SPOCK3: variants seen among roughly 807,000 people sequenced by gnomAD.
SPOCK3 encodes testican-3.
Under a neutral mutation model 56.6 loss-of-function variants are expected in SPOCK3, and 30 were observed. The ratio of observed to expected loss-of-function variants is 0.53; its 90% confidence interval spans 0.40 to 0.72. The LOEUF is 0.72. Among genes scored for constraint, SPOCK3 ranks in the 30% least tolerant of loss-of-function variants. The pLI, the probability that SPOCK3 is intolerant of heterozygous loss-of-function variation, is 0.00. For synonymous variants in SPOCK3, 196 were observed against 183.3 expected, an observed-to-expected ratio of 1.07 and a Z score of -0.56; for missense variants, 527 against 530.0, an observed-to-expected ratio of 0.99 and a Z score of 0.06.
intron 2 of SPOCK3, among the ~76,000 whole-genome samples, chr4:167,103,771 A>C (rs949344685): frequency 1.3e-5 from 2 of 152,118 alleles, no homozygotes; most frequent in African/African-American, 4.8e-5. Flanking sequence ...AGCGGTTACC[A>C]TGGGCCTTTG....
Position 167,136,047 on chromosome 4 carries a change from C to T in SPOCK3, c.190-73510G>A, listed in dbSNP as rs531702545. On this transcript the variant is annotated intron_variant, in intron 2 of 10. Transcript: ENST00000357545. ...AATATGCTTATTTTCATTTTTTTTT[C>T]CCTCTAAGGCAGTGGTTCTCAAAGT... Among the ~76,000 whole-genome samples, 23 of 151,186 alleles carry T rather than the reference C, an allele frequency of 1.5e-4. No homozygotes were observed. In the South Asian group the frequency reaches 4.2e-3, roughly 27 times the overall value.
chr4:167,009,552 C>T (rs532116291), intron 3 of SPOCK3, among the ~76,000 whole-genome samples: 75 of 152,172 alleles, frequency 4.9e-4, no homozygotes, highest in African/African-American at 1.7e-3. Flanking sequence ...AATTCTAAGG[C>T]TGTGAGAGAA....
intron 2 of SPOCK3, among the ~76,000 whole-genome samples, chr4:167,093,325 G>T (rs1758868055): frequency 6.6e-6 from 1 of 151,924 alleles, no homozygotes; most frequent in African/African-American, 2.4e-5. Flanking sequence ...TTAAGTTCAG[G>T]ATACATGTGC....
intron 2 of SPOCK3, among the ~76,000 whole-genome samples, chr4:167,172,505 T>A (rs1337193207): frequency 6.6e-6 from 1 of 152,170 alleles, no homozygotes; most frequent in African/African-American, 2.4e-5. Flanking sequence ...CTAATAATTA[T>A]TTCTTCCTTT....
intron 2 of SPOCK3, among the ~76,000 whole-genome samples, chr4:167,163,604 G>C (rs1765509786): frequency 6.6e-6 from 1 of 151,658 alleles, no homozygotes; most frequent in African/African-American, 2.4e-5. Flanking sequence ...CCAACCTCTG[G>C]TAACCATCAT....
chr4:166,916,533 T>C (rs1446538590), intron 4 of SPOCK3, among the ~76,000 whole-genome samples: 2 of 152,204 alleles, frequency 1.3e-5, no homozygotes. Flanking sequence ...TACTTAGTTT[T>C]CTGTTTAAGT....
At chr4:167,079,211 A>T (rs1165295777) in intron 2 of SPOCK3, among the ~76,000 whole-genome samples, 2 of 152,044 alleles carry the variant, frequency 1.3e-5, no homozygotes, top group Non-Finnish European at 2.9e-5. Context: ...TAAAACACAG[A>T]ACTAAACCTT....
chr4:167,107,318 T>C (rs772661173), intron 2 of SPOCK3, among the ~76,000 whole-genome samples: 17 of 151,842 alleles, frequency 1.1e-4, no homozygotes, highest in Non-Finnish European at 1.5e-4. Flanking sequence ...CCAAGTGGGA[T>C]TTACCCCAGT....
chr4:167,130,367 G>GA (rs1762607715), intron 2 of SPOCK3, among the ~76,000 whole-genome samples: 2 of 151,396 alleles, frequency 1.3e-5, no homozygotes, highest in Admixed American at 6.6e-5. Flanking sequence ...TTATTTACTG[G>GA]AAAAAAGCAT....
chr4:167,209,205 A>G (rs920315809), intron 2 of SPOCK3, among the ~76,000 whole-genome samples: 2 of 152,106 alleles, frequency 1.3e-5, no homozygotes, highest in Non-Finnish European at 2.9e-5. Flanking sequence ...GTGCCATGAT[A>G]TGGAATGTTC....
intron 4 of SPOCK3, among the ~76,000 whole-genome samples, chr4:166,982,380 A>G (rs745545390): frequency 5.9e-5 from 9 of 152,160 alleles, no homozygotes; most frequent in Non-Finnish European, 1.2e-4. Flanking sequence ...AATCTCACAT[A>G]ATAATAAACA....
chr4:166,878,151 T>G (rs553085266), intron 6 of SPOCK3, among the ~76,000 whole-genome samples: 4 of 152,206 alleles, frequency 2.6e-5, no homozygotes, highest in Non-Finnish European at 5.9e-5. Flanking sequence ...AATTGGCACA[T>G]GCCTGTAATC....
chr4:166,899,242 ATATC>A (rs75617799), intron 5 of SPOCK3, among the ~76,000 whole-genome samples: 13,422 of 117,196 alleles, frequency 0.11, 722 homozygotes, highest in Middle Eastern at 0.14. Context: ...AAATCTCCTC[ATATC>A]TATCTATCTA....
chr4:166,830,595 T>G (rs1180341863), intron 6 of SPOCK3, among the ~76,000 whole-genome samples: 2 of 151,940 alleles, frequency 1.3e-5, no homozygotes, highest in African/African-American at 2.4e-5. Context: ...AATACAAAAA[T>G]TAGTGGCATA....
chr4:166,875,304 G>T (rs1732959925), intron 6 of SPOCK3, among the ~76,000 whole-genome samples: 1 of 151,992 alleles, frequency 6.6e-6, no homozygotes, highest in South Asian at 2.1e-4. Context: ...TTTCTAGTAG[G>T]TGTGATATTT....
intron 2 of SPOCK3, among the ~76,000 whole-genome samples, chr4:167,167,259 A>G (rs1730051663): frequency 1.3e-5 from 2 of 152,286 alleles, no homozygotes; most frequent in Non-Finnish European, 1.5e-5. Context: ...TTTAAAAAAT[A>G]GTTTCAAATG....
chr4:167,173,838 G>A (rs922514516), intron 2 of SPOCK3, among the ~76,000 whole-genome samples: 1 of 152,092 alleles, frequency 6.6e-6, no homozygotes, highest in Non-Finnish European at 1.5e-5. Context: ...AGCCTTATGT[G>A]GTCATTGCTG....
intron 8 of SPOCK3, among the ~76,000 whole-genome samples, chr4:166,746,163 C>T (rs1247087998): frequency 6.6e-6 from 1 of 152,302 alleles, no homozygotes; most frequent in African/African-American, 2.4e-5. Context: ...GAACTCTTCA[C>T]CCCAAATCAA....
chr4:167,122,136 T>C (rs1490920203), intron 2 of SPOCK3, among the ~76,000 whole-genome samples: 2 of 151,610 alleles, frequency 1.3e-5, no homozygotes, highest in Non-Finnish European at 2.9e-5. Flanking sequence ...TCTTTTGTTG[T>C]CTTTTTCTTT....
Sources: gnomAD v4.1 joint callset for allele counts (sites outside exome capture counted in the v4.1 genomes callset) on GRCh38, gnomAD v4.1.1 for gene constraint, MANE v1.5 for transcripts, NCBI Gene and HGNC (gene_info 2026-07-23, HGNC 2026-07-21) for gene names.